The following STK3 variants were observed in gnomAD, a reference collection of about 807,000 sequenced individuals.
STK3 encodes the protein serine/threonine-protein kinase 3.
Under a neutral mutation model 58.0 loss-of-function variants are expected in STK3, and 41 were observed. The ratio of observed to expected loss-of-function variants is 0.71; its 90% CI spans 0.55 to 0.92. The LOEUF is 0.92. Among genes scored for constraint, STK3 ranks in the 40% least tolerant of loss-of-function variants. The probability of loss-of-function intolerance (pLI) is 0.00; values close to 1 mark genes in which losing one functional copy is unlikely to be tolerated. For missense variants in STK3, 479 were observed against 602.7 expected (o/e 0.79, Z 2.15); for synonymous variants, 170 against 191.0 (o/e 0.89, Z 0.91).
At chr8:98,595,769 GA>G (rs533719667) in intron 7 of STK3, 146 of 292,652 alleles carry the variant, frequency 5.0e-4, no homozygotes, top group South Asian at 1.2e-3. Context: ...AGGAACAGAA[GA>G]AAAAAAAAAC....
At chr8:98,858,766 C>G (rs965841075) in intron 3 of STK3, among the ~76,000 whole-genome samples, 1 of 151,822 alleles carries the variant, frequency 6.6e-6, no homozygotes, top group African/African-American at 2.4e-5. Flanking sequence ...GTGGTGCATG[C>G]CTGTAGTCCC....
chr8:98,772,816 T>C (rs1231440739), intron 2 of STK3, among the ~76,000 whole-genome samples: 4 of 152,198 alleles, frequency 2.6e-5, no homozygotes, highest in African/African-American at 9.6e-5. Flanking sequence ...GACTATAACC[T>C]TCCTGAAGCC....
At chr8:98,628,294 C>T (rs1486172890) in intron 6 of STK3, among the ~76,000 whole-genome samples, 2 of 152,178 alleles carry the variant, frequency 1.3e-5, no homozygotes, top group Non-Finnish European at 2.9e-5. Context: ...TACCATTGTT[C>T]CCAACCACTT....
At chr8:98,743,247 A>C (rs1379757047) in intron 4 of STK3, among the ~76,000 whole-genome samples, 1 of 78,426 alleles carries the variant, frequency 1.3e-5, no homozygotes, top group Non-Finnish European at 3.2e-5. Flanking sequence ...GTTCATATGG[A>C]AAAAAAAAAA....
chr8:98,896,707 A>C (rs1049777938), intron 1 of STK3, among the ~76,000 whole-genome samples: 1 of 152,198 alleles, frequency 6.6e-6, no homozygotes, highest in African/African-American at 2.4e-5. Context: ...GGCCAGGTGC[A>C]ATGGCTCATG....
At chr8:98,791,930 A>G (rs991932564) in intron 1 of STK3, among the ~76,000 whole-genome samples, 3 of 152,252 alleles carry the variant, frequency 2.0e-5, no homozygotes, top group Non-Finnish European at 2.9e-5. Context: ...CCAAGAACCC[A>G]AAAGCAAATG....
chr8:98,503,913 T>G (rs1386341097), intron 10 of STK3, among the ~76,000 whole-genome samples: 1 of 152,238 alleles, frequency 6.6e-6, no homozygotes, highest in Non-Finnish European at 1.5e-5. Context: ...AGATGTCTAT[T>G]AGGTCTGCTT....
At chr8:98,623,818 C>T (rs1231161340) in intron 6 of STK3, among the ~76,000 whole-genome samples, 1 of 152,138 alleles carries the variant, frequency 6.6e-6, no homozygotes, top group Non-Finnish European at 1.5e-5. Flanking sequence ...CATGTGAGAA[C>T]ACACAGAGAA....
chr8:98,445,202 C>T (rs550841290), intron 1 of STK3, among the ~76,000 whole-genome samples: 1 of 152,198 alleles, frequency 6.6e-6, no homozygotes, highest in Admixed American at 6.5e-5. Flanking sequence ...AAATCCTGTC[C>T]CCATTATTTT....
chr8:98,737,328 C>T (rs1224741296), intron 4 of STK3, among the ~76,000 whole-genome samples: 1 of 152,066 alleles, frequency 6.6e-6, no homozygotes, highest in African/African-American at 2.4e-5. Flanking sequence ...GAGATACTCA[C>T]TCCAAGGAAA....
At chr8:98,379,626 T>A (rs1483140340) in intron 1 of STK3, among the ~76,000 whole-genome samples, 4 of 152,164 alleles carry the variant, frequency 2.6e-5, no homozygotes, top group Non-Finnish European at 4.4e-5. Context: ...AAGTCACAGG[T>A]GCAGGGTCAC....
intron 9 of STK3, among the ~76,000 whole-genome samples, chr8:98,535,394 A>G (rs1182611360): frequency 1.3e-5 from 2 of 152,090 alleles, no homozygotes; most frequent in East Asian, 1.9e-4. Flanking sequence ...TCTGTGACCT[A>G]TGTTCCTCCC....
the STK3 span, among the ~76,000 whole-genome samples, chr8:98,358,709 AG>A: frequency 6.6e-6 from 1 of 152,014 alleles, no homozygotes; most frequent in East Asian, 1.9e-4. Context: ...TAGGGGAATG[AG>A]GGGGGAGTGA....
At chr8:98,369,600 G>A (rs575732877), downstream of STK3, among the ~76,000 whole-genome samples, 12 of 152,210 alleles carry the variant, frequency 7.9e-5, no homozygotes, top group Non-Finnish European at 1.5e-4. Context: ...TGTGATGAGG[G>A]TCTGCCTTGC....
intron 4 of STK3, among the ~76,000 whole-genome samples, chr8:98,730,726 A>ACAAAC (rs1563937878): frequency 6.6e-6 from 1 of 151,648 alleles, no homozygotes; most frequent in Non-Finnish European, 1.5e-5. Context: ...AAAAAAAAAA[A>ACAAAC]AAAAAAAAAA....
chr8:98,399,598 T>A (rs1817924671), downstream of STK3, among the ~76,000 whole-genome samples: 1 of 152,258 alleles, frequency 6.6e-6, no homozygotes, highest in Non-Finnish European at 1.5e-5. Flanking sequence ...TCTATCTCTC[T>A]TAGCCTCAGT....
intron 9 of STK3, among the ~76,000 whole-genome samples, chr8:98,534,646 A>G (rs1809614245): frequency 2.0e-5 from 3 of 152,224 alleles, no homozygotes; most frequent in Admixed American, 2.0e-4. Context: ...ACATTTAGAC[A>G]GGACACATAC....
rs575623793 is a variant in STK3, at chr8:98,472,749, C to T, written c.1318-16749G>A. Among the ~76,000 whole-genome samples, 5 of 152,160 alleles carry T rather than the reference C, an allele frequency of 3.3e-5. No homozygotes were observed. In the South Asian group the frequency reaches 1.0e-3, roughly 32 times the overall value. On this transcript the variant is annotated intron_variant, in intron 10 of 10. Transcript: ENST00000419617. ...ATAACATTTAAAAAAAGATTTCTCA[C>T]AATAAACCAAAATAAAATTTTACTT...
At chr8:98,934,239 T>C (rs529664655) in intron 1 of STK3, among the ~76,000 whole-genome samples, 129 of 152,192 alleles carry the variant, frequency 8.5e-4, no homozygotes, top group Non-Finnish European at 1.6e-3. Context: ...TCCTATTCCA[T>C]CTTCCAAGGA....
Sources: allele counts gnomAD v4.1 joint callset (sites outside exome capture counted in the v4.1 genomes callset), GRCh38; gene constraint gnomAD v4.1.1; transcripts MANE v1.5; gene names NCBI Gene and HGNC (gene_info 2026-07-23, HGNC 2026-07-21).